Variants in GNB4 observed in about 807,000 individuals in gnomAD.
GNB4 encodes guanine nucleotide-binding protein subunit beta-4.
A neutral mutation model predicts 45.2 loss-of-function variants in GNB4; 28 were observed. That is an observed-to-expected ratio of 0.62 (90% CI 0.46 to 0.85). The LOEUF is 0.85. Ranked by LOEUF, GNB4 falls within the 40% of genes least tolerant of loss-of-function variation. GNB4 has a pLI of 0.00. For missense variants in GNB4, 321 were observed against 425.4 expected (o/e 0.75, Z 2.16); for synonymous variants, 132 against 143.7 (o/e 0.92, Z 0.58).
chr3:179,434,811 G>A (rs903920374), intron 1 of GNB4, among the ~76,000 whole-genome samples: 25 of 151,986 alleles, frequency 1.6e-4, no homozygotes, highest in African/African-American at 5.3e-4. Context: ...CAACTCCAAC[G>A]GCTGAGGAAA....
At chr3:179,464,791 T>C in the GNB4 span, 1 of 1,340,726 alleles carries the variant, frequency 7.5e-7, no homozygotes. Flanking sequence ...ATGCTGTTTC[T>C]CCAGACAAGG....
At chr3:179,470,415 A>C in the GNB4 span, among the ~76,000 whole-genome samples, 1 of 151,852 alleles carries the variant, frequency 6.6e-6, no homozygotes, top group African/African-American at 2.4e-5. Context: ...GTGTAGGCCT[A>C]GGCTATTGTT....
chr3:179,483,253 T>C, the GNB4 span, among the ~76,000 whole-genome samples: 1 of 152,070 alleles, frequency 6.6e-6, no homozygotes, highest in African/African-American at 2.4e-5. Context: ...AAAAGACATG[T>C]ATAGTAAAAG....
chr3:179,444,109 C>G (rs897673786), intron 1 of GNB4, among the ~76,000 whole-genome samples: 3 of 152,146 alleles, frequency 2.0e-5, no homozygotes, highest in Non-Finnish European at 2.9e-5. Flanking sequence ...AAAACCTTTG[C>G]AAAGATTTTT....
the GNB4 span, among the ~76,000 whole-genome samples, chr3:179,494,725 C>T: frequency 5.9e-5 from 9 of 151,444 alleles, no homozygotes; most frequent in South Asian, 1.2e-3. Context: ...CTGGCTAACA[C>T]GGTGAAACCC....
chr3:179,414,952 G>A lies in GNB4; in HGVS notation c.363C>T (p.Cys121=), dbSNP rs1316185536. ...YVACGGLDNI[C]SIYNLKTREG... ...CTCTGGTCTTTAAGTTATATATAGA[G>A]CAGATGTTGTCCAAGCCTCCACAGG... Residue 121 remains cysteine (C), a synonymous_variant, in exon 6 of 10, where the codon TGC becomes TGT. Coordinates refer to ENST00000232564, the MANE Select transcript of GNB4 (RefSeq NM_021629.4). The A allele has an allele frequency of 1.1e-5, 18 of 1,612,150 alleles. No homozygotes were observed. The highest frequency in any genetic ancestry group is 1.5e-5 in the Non-Finnish European group (18 of 1,178,744).
At chr3:179,505,232 C>A in the GNB4 span, among the ~76,000 whole-genome samples, 2 of 152,180 alleles carry the variant, frequency 1.3e-5, no homozygotes, top group Non-Finnish European at 2.9e-5. Context: ...CAGACCCTCT[C>A]ATCGCAAAGC....
the GNB4 span, among the ~76,000 whole-genome samples, chr3:179,496,917 C>T: frequency 1.3e-5 from 2 of 152,034 alleles, no homozygotes; most frequent in African/African-American, 4.8e-5. Flanking sequence ...CCACTTTCAA[C>T]AATCATTCTA....
the GNB4 span, among the ~76,000 whole-genome samples, chr3:179,517,357 C>A: frequency 1.3e-5 from 2 of 152,094 alleles, no homozygotes; most frequent in Non-Finnish European, 2.9e-5. Context: ...ATAAAACGGC[C>A]CCACCCCTAT....
chr3:179,438,134 G>A (rs1183422051), intron 1 of GNB4, among the ~76,000 whole-genome samples: 1 of 152,160 alleles, frequency 6.6e-6, no homozygotes, highest in African/African-American at 2.4e-5. Flanking sequence ...CTAGGAGTTA[G>A]CCAACTAAGA....
intron 2 of GNB4, among the ~76,000 whole-genome samples, chr3:179,423,028 T>TG (rs1347217384): frequency 6.6e-6 from 1 of 152,142 alleles, no homozygotes; most frequent in Non-Finnish European, 1.5e-5. Context: ...CCTGACCTCG[T>TG]GATCCACCCG....
intron 1 of GNB4, among the ~76,000 whole-genome samples, chr3:179,442,051 CAT>C (rs781375449): frequency 8.4e-4 from 128 of 152,328 alleles, no homozygotes; most frequent in Middle Eastern, 6.8e-3. Flanking sequence ...AGGTGATCCA[CAT>C]GTCTCGGCCT....
the GNB4 span, among the ~76,000 whole-genome samples, chr3:179,460,418 A>G: frequency 2.0e-5 from 3 of 152,216 alleles, no homozygotes; most frequent in African/African-American, 7.2e-5. Context: ...GACTGACCCT[A>G]GGGCAGCTGC....
At chr3:179,449,880 C>T (rs1715825204) in intron 1 of GNB4, among the ~76,000 whole-genome samples, 2 of 152,132 alleles carry the variant, frequency 1.3e-5, no homozygotes, top group African/African-American at 2.4e-5. Flanking sequence ...TTTCAAATTG[C>T]CCCAGAGTCT....
the GNB4 span, among the ~76,000 whole-genome samples, chr3:179,488,032 C>T: frequency 6.8e-6 from 1 of 146,160 alleles, no homozygotes; most frequent in Non-Finnish European, 1.5e-5. Context: ...ACCTGGGCAA[C>T]AGAGTAGGAC....
At chr3:179,514,396 T>C in the GNB4 span, among the ~76,000 whole-genome samples, 69,289 of 152,004 alleles carry the variant, frequency 0.46, 16,324 homozygotes, top group South Asian at 0.57. Context: ...GGTGGGAAGT[T>C]GCCTTTAGTC....
the GNB4 span, among the ~76,000 whole-genome samples, chr3:179,525,298 G>A: frequency 6.6e-6 from 1 of 152,222 alleles, no homozygotes; most frequent in East Asian, 1.9e-4. Flanking sequence ...GGGCCCAAGC[G>A]GTGTTGCAGA....
chr3:179,494,273 GAAAGAGAA>G, the GNB4 span, among the ~76,000 whole-genome samples: 5 of 147,806 alleles, frequency 3.4e-5, no homozygotes, highest in Non-Finnish European at 6.0e-5. Flanking sequence ...AAGAAAGAAA[GAAAGAGAA>G]AGAAAGAAAG....
At position 179,397,646 on chromosome 3, in the gene GNB4, C is replaced by T. The variant is rs904176004; in HGVS notation, c.*3567G>A. 1.3e-5 allele frequency: 2 copies of T among 152,596 alleles called. No individual in the cohort carries two copies. Among genetic ancestry groups the T allele is most frequent in the African/African-American group, 2.4e-5 (1 of 41,420 alleles). 9.5% of individuals were successfully genotyped at this position (152,596 alleles called of 1,614,324 possible). A position where few individuals can be genotyped will look rare whatever the true frequency, so the allele number is the denominator to read the frequency against. On this transcript the variant is annotated 3_prime_UTR_variant, in exon 10 of 10. Coordinates refer to ENST00000232564, the MANE Select transcript of GNB4 (RefSeq NM_021629.4). ...AGTAAAAACTTGAGCTAGGGAGGAA[C>T]CTTGGATATTCAGTCTACATCTCAA...
Sources: gnomAD v4.1 joint callset for allele counts (sites outside exome capture counted in the v4.1 genomes callset) on GRCh38, gnomAD v4.1.1 for gene constraint, MANE v1.5 for transcripts, NCBI Gene and HGNC (gene_info 2026-07-23, HGNC 2026-07-21) for gene names.